The following GABRG3 variants were observed in gnomAD, a reference collection of about 807,000 sequenced individuals.
The protein encoded by GABRG3 is gamma-aminobutyric acid type A receptor subunit gamma3, also known as gamma-aminobutyric acid receptor subunit gamma-3.
Under a neutral mutation model 48.8 loss-of-function variants are expected in GABRG3, and 25 were observed. The ratio of observed to expected loss-of-function variants is 0.51; its 90% CI spans 0.37 to 0.72. The LOEUF is 0.72. Among genes scored for constraint, GABRG3 ranks in the 30% least tolerant of loss-of-function variants. The probability of loss-of-function intolerance (pLI) is 0.00; values close to 1 mark genes in which losing one functional copy is unlikely to be tolerated. For synonymous variants in GABRG3, 227 were observed against 217.6 expected (o/e 1.04, Z -0.38); for missense variants, 394 against 577.9 (o/e 0.68, Z 3.26).
intron 9 of GABRG3, among the ~76,000 whole-genome samples, chr15:27,531,331 C>T (rs1462122167): frequency 6.6e-6 from 1 of 152,210 alleles, no homozygotes; most frequent in Non-Finnish European, 1.5e-5. Context: ...CCACCCCTCC[C>T]CGATTTATGA....
rs988767429 is a variant in GABRG3, at chr15:27,319,088, T to G, written c.271-7721T>G. ...ACCATAAAAAAATAAAAGGCAACTG[T>G]GAGGTGATGGATGTGTTAATTAGCT... On this transcript the variant is annotated intron_variant, in intron 3 of 9. Coordinates refer to ENST00000615808, the MANE Select transcript of GABRG3 (RefSeq NM_033223.5). This position sits in a 1 kb window ranked among gnomAD's most constrained non-coding sequence, Gnocchi z 4.4. 1.3e-5 allele frequency among the ~76,000 whole-genome samples: 2 copies of G among 152,210 alleles called. No homozygotes were observed. Among genetic ancestry groups the G allele is most frequent in the Non-Finnish European group, 2.9e-5 (2 of 68,036 alleles).
chr15:27,035,905 A>G (rs1896169020), intron 3 of GABRG3, among the ~76,000 whole-genome samples: 1 of 152,194 alleles, frequency 6.6e-6, no homozygotes, highest in Non-Finnish European at 1.5e-5. Flanking sequence ...CTGAGTCTGA[A>G]GATTTGCAGT....
intron 3 of GABRG3, among the ~76,000 whole-genome samples, chr15:27,169,479 A>G (rs1027066493): frequency 2.6e-5 from 4 of 152,152 alleles, no homozygotes; most frequent in Non-Finnish European, 4.4e-5. Flanking sequence ...GGTTAGGGAT[A>G]GATCATTTGG....
At chr15:27,425,448 C>CAA (rs57986546) in intron 5 of GABRG3, among the ~76,000 whole-genome samples, 12,276 of 77,698 alleles carry the variant, frequency 0.16, 841 homozygotes, top group East Asian at 0.42. Context: ...ACTAAAAATA[C>CAA]AAAAAAAAAA....
At chr15:27,018,888 C>A (rs1194257646) in intron 2 of GABRG3, among the ~76,000 whole-genome samples, 1 of 151,970 alleles carries the variant, frequency 6.6e-6, no homozygotes, top group African/African-American at 2.4e-5. Context: ...AGAAAAAAAG[C>A]ATTTGAAAAC....
chr15:27,322,441 A>G (rs950614954), intron 3 of GABRG3, among the ~76,000 whole-genome samples: 4 of 152,180 alleles, frequency 2.6e-5, no homozygotes, highest in Admixed American at 1.3e-4. Context: ...ATTCAGACCT[A>G]TGAAAGTCCT....
intron 6 of GABRG3, among the ~76,000 whole-genome samples, chr15:27,517,206 A>G (rs1163350537): frequency 6.6e-6 from 1 of 151,246 alleles, no homozygotes; most frequent in Non-Finnish European, 1.5e-5. Context: ...CTCCTCCGTC[A>G]TTGCCAGTAT....
intron 3 of GABRG3, among the ~76,000 whole-genome samples, chr15:27,095,045 C>T (rs1897248988): frequency 1.3e-5 from 2 of 152,136 alleles, no homozygotes; most frequent in African/African-American, 2.4e-5. Flanking sequence ...CTAATACACT[C>T]TCCACCCTCT....
chr15:26,974,131 G>A lies in GABRG3; in HGVS notation c.53+2543G>A, dbSNP rs1595449045. Among the ~76,000 whole-genome samples the A allele has an allele frequency of 6.6e-6, 1 of 152,146 alleles. No homozygotes were observed. Among genetic ancestry groups the A allele is most frequent in the Non-Finnish European group, 1.5e-5 (1 of 68,024 alleles). On this transcript the variant is annotated intron_variant, in intron 1 of 9. Transcript: ENST00000615808. This position sits in a 1 kb window ranked among gnomAD's most constrained non-coding sequence, Gnocchi z 4.3. ...GGTGCTCACTGCCCAGGGACCTAGA[G>A]CATCTCGGCCTCACTCTGCCCACTG...
intron 4 of GABRG3, among the ~76,000 whole-genome samples, chr15:27,327,609 C>T (rs1473625937): frequency 6.6e-6 from 1 of 152,204 alleles, no homozygotes; most frequent in East Asian, 1.9e-4. Context: ...AGCAACACAG[C>T]ACTAGCAATG....
intron 5 of GABRG3, among the ~76,000 whole-genome samples, chr15:27,340,058 G>A (rs1277085856): frequency 1.3e-5 from 2 of 152,088 alleles, no homozygotes; most frequent in Non-Finnish European, 2.9e-5. Context: ...TTGTGTCAGG[G>A]AACCTTCTTC....
At chr15:27,153,108 G>T (rs1055426266) in intron 3 of GABRG3, among the ~76,000 whole-genome samples, 2 of 152,072 alleles carry the variant, frequency 1.3e-5, no homozygotes, top group Non-Finnish European at 2.9e-5. Flanking sequence ...TGATCCGCCC[G>T]CCTCGGCCTC....
chr15:27,459,112 G>A (rs929720150), intron 5 of GABRG3, among the ~76,000 whole-genome samples: 6 of 152,194 alleles, frequency 3.9e-5, no homozygotes, highest in Middle Eastern at 3.2e-3. Flanking sequence ...CTCAAAAGCC[G>A]ATTGTTTCCT....
At chr15:27,068,825 G>T (rs1360847654) in intron 3 of GABRG3, among the ~76,000 whole-genome samples, 1 of 152,160 alleles carries the variant, frequency 6.6e-6, no homozygotes, top group Non-Finnish European at 1.5e-5. Context: ...ATTTACCTGG[G>T]AACTGCAGTT....
intron 3 of GABRG3, among the ~76,000 whole-genome samples, chr15:27,088,972 C>G (rs538459715): frequency 6.6e-6 from 1 of 152,018 alleles, no homozygotes; most frequent in Non-Finnish European, 1.5e-5. Flanking sequence ...CATTGAAGCC[C>G]GATGAACACG....
intron 3 of GABRG3, among the ~76,000 whole-genome samples, chr15:27,077,105 A>C (rs2140740324): frequency 1.3e-5 from 2 of 152,258 alleles, no homozygotes; most frequent in Admixed American, 1.3e-4. Context: ...CTTCCTCTGC[A>C]ATTTTCCTGA....
At chr15:27,307,774 G>A (rs1376545842) in intron 3 of GABRG3, among the ~76,000 whole-genome samples, 2 of 89,244 alleles carry the variant, frequency 2.2e-5, no homozygotes, top group African/African-American at 4.7e-5. Flanking sequence ...ATAAACATAT[G>A]TTTATATATA....
intron 3 of GABRG3, among the ~76,000 whole-genome samples, chr15:27,030,271 CTA>C (rs1896060428): frequency 6.6e-6 from 1 of 152,176 alleles, no homozygotes; most frequent in Non-Finnish European, 1.5e-5. Flanking sequence ...GGAACAATGA[CTA>C]TTTCACTTTC....
intron 5 of GABRG3, among the ~76,000 whole-genome samples, chr15:27,470,862 A>G (rs1639181956): frequency 6.6e-6 from 1 of 152,040 alleles, no homozygotes; most frequent in African/African-American, 2.4e-5. Flanking sequence ...AGCCAAAGCT[A>G]TAAAGGAATT....
Sources: gnomAD v4.1 joint callset for allele counts (sites outside exome capture counted in the v4.1 genomes callset) on GRCh38, gnomAD v4.1.1 for gene constraint, Gnocchi (gnomAD v3.1) non-coding constraint, MANE v1.5 for transcripts, NCBI Gene and HGNC (gene_info 2026-07-23, HGNC 2026-07-21) for gene names.